Variants in SUPT16H observed in about 807,000 individuals in gnomAD.
SUPT16H encodes the protein FACT complex subunit SPT16.
SUPT16H carries 24 observed loss-of-function variants against 136.2 expected under a neutral mutation model. The observed-to-expected ratio is 0.18, with a 90% CI of 0.13 to 0.25. The LOEUF is 0.25. SUPT16H is among the 10% of genes least tolerant of loss of function. SUPT16H has a pLI of 1.00. For missense variants in SUPT16H, 623 were observed against 1,270.2 expected, an observed-to-expected ratio of 0.49 and a Z score of 7.74; for synonymous variants, 415 against 428.2, an observed-to-expected ratio of 0.97 and a Z score of 0.38.
intron 1 of SUPT16H, chr14:21,383,409 C>G: frequency 2.0e-6 from 1 of 500,504 alleles, no homozygotes; most frequent in Non-Finnish European, 3.5e-6. Context: ...ACGCTAAAAG[C>G]CCGATTGACA....
chr14:21,359,377 C>T (rs1423459039), intron 19 of SUPT16H, 107 bp downstream of exon 19: 16 of 1,480,164 alleles, frequency 1.1e-5, no homozygotes, highest in East Asian at 2.3e-5. Context: ...ATTACAGGCG[C>T]GAGTCACCAC....
intron 6 of SUPT16H, among the ~76,000 whole-genome samples, chr14:21,368,642 A>G (rs536130453): frequency 4.1e-4 from 62 of 152,356 alleles, no homozygotes; most frequent in African/African-American, 1.5e-3. Context: ...GTCAGTGACC[A>G]AAACTTTTAG....
At chr14:21,379,087 C>T (rs1278000466) in intron 1 of SUPT16H, among the ~76,000 whole-genome samples, 1 of 152,138 alleles carries the variant, frequency 6.6e-6, no homozygotes, top group Non-Finnish European at 1.5e-5. Flanking sequence ...CACTGAGTGA[C>T]TTCTATATGC....
rs191806991 is a variant in SUPT16H at position 21,359,120 on chromosome 14, T to C, written c.2301+364A>G. ...GCACCTGGCTATTTATTTATTGAGA[T>C]GGAGTCTCACTCTGTCGCCCAGGCT... On this transcript the variant is annotated intron_variant, in intron 19 of 25. Coordinates refer to ENST00000216297, the MANE Select transcript of SUPT16H (RefSeq NM_007192.4). Among the ~76,000 whole-genome samples, 6 of 139,824 alleles carry C rather than the reference T, an allele frequency of 4.3e-5. No homozygotes were observed. The East Asian group carries it at 1.3e-3, about 30-fold the overall frequency. 91.7% of individuals were successfully genotyped at this position (139,824 alleles called of 152,430 possible).
chr14:21,381,308 A>G (rs556978780), intron 1 of SUPT16H, among the ~76,000 whole-genome samples: 12 of 152,236 alleles, frequency 7.9e-5, no homozygotes, highest in East Asian at 1.9e-4. Flanking sequence ...TTTATTTGCA[A>G]TAGCCTCAAA....
In SUPT16H at chr14:21,354,528, C is replaced by G; in HGVS notation, c.2673G>C (p.Leu891=). The G allele has an allele frequency of 1.2e-6, 2 of 1,613,794 alleles. No homozygotes were observed. The highest frequency in any genetic ancestry group is 1.3e-5 in the African/African-American group (1 of 75,046). Reference sequence around the variant, plus strand: ...GGGACTGTACTCCTTCTGTGTATTTCAGGTCGCAGGAACTAAGAGAAATGA... The same window carrying G: ...GGGACTGTACTCCTTCTGTGTATTTGAGGTCGCAGGAACTAAGAGAAATGA... ...PIKEWLNSCD[L]KYTEGVQSLN... The change falls in exon 23 of 26, where the codon CTG becomes CTC. Residue 891 remains leucine, a synonymous_variant. Transcript: ENST00000216297.
At chr14:21,362,042 T>C (rs1886567782) in intron 15 of SUPT16H, among the ~76,000 whole-genome samples, 155 bp downstream of exon 15, 1 of 152,138 alleles carries the variant, frequency 6.6e-6, no homozygotes, top group Admixed American at 6.6e-5. Context: ...ATCCTGAAAA[T>C]AGTACAAAGT....
intron 22 of SUPT16H, among the ~76,000 whole-genome samples, chr14:21,356,369 C>T (rs1389224105): frequency 6.6e-6 from 1 of 152,188 alleles, no homozygotes; most frequent in East Asian, 1.9e-4. Context: ...CACCTTTCCA[C>T]CAGCTTCAGC....
intron 7 of SUPT16H, 130 bp downstream of exon 7, chr14:21,368,139 G>T (rs555190473): frequency 1.7e-5 from 16 of 921,188 alleles, no homozygotes; most frequent in Non-Finnish European, 2.6e-5. Flanking sequence ...GGCTGGTCTT[G>T]AACTCCTGGA....
intron 15 of SUPT16H, among the ~76,000 whole-genome samples, chr14:21,361,779 T>A (rs192753365): frequency 9.9e-5 from 15 of 152,258 alleles, no homozygotes; most frequent in Non-Finnish European, 2.1e-4. Flanking sequence ...AATTATTTTT[T>A]TTTTGAGACA....
At chr14:21,363,826 G>A (rs140943498) in intron 10 of SUPT16H, among the ~76,000 whole-genome samples, 62 of 152,036 alleles carry the variant, frequency 4.1e-4, no homozygotes, top group African/African-American at 1.4e-3. Flanking sequence ...TTACAGACGC[G>A]CACCACCACA....
chr14:21,352,938 G>A (rs913004439), intron 25 of SUPT16H, 120 bp from the exon 26 acceptor site: 1 of 1,319,804 alleles, frequency 7.6e-7, no homozygotes. Context: ...TTAATATTGG[G>A]CAAGTACTTT....
At chr14:21,377,326 G>T (rs1483276676) in intron 1 of SUPT16H, among the ~76,000 whole-genome samples, 2 of 152,148 alleles carry the variant, frequency 1.3e-5, no homozygotes, top group African/African-American at 4.8e-5. Flanking sequence ...ATTTCAGAGA[G>T]AACAGGCTAT....
intron 12 of SUPT16H, 35 bp from the exon 13 acceptor site, chr14:21,363,184 T>C: frequency 6.2e-7 from 1 of 1,614,048 alleles, no homozygotes; most frequent in Non-Finnish European, 8.5e-7. Flanking sequence ...TCACAACACG[T>C]GAGCCATATG....
At chr14:21,378,687 G>A (rs1886956859) in intron 1 of SUPT16H, among the ~76,000 whole-genome samples, 1 of 152,096 alleles carries the variant, frequency 6.6e-6, no homozygotes. Flanking sequence ...TTTACCATAA[G>A]TTAATAACCG....
At chr14:21,373,460 T>G (rs762827370) in intron 1 of SUPT16H, 30 bp from the exon 2 acceptor site, 2 of 1,490,336 alleles carry the variant, frequency 1.3e-6, no homozygotes, top group Middle Eastern at 1.7e-4. Flanking sequence ...ATCACTTAAT[T>G]TTTCACACTA....
chr14:21,364,486 A>C (rs565459972), intron 10 of SUPT16H, among the ~76,000 whole-genome samples: 1 of 152,358 alleles, frequency 6.6e-6, no homozygotes, highest in South Asian at 2.1e-4. Flanking sequence ...AAAAATCACT[A>C]AATTGTACAT....
chr14:21,365,134 C>T lies in SUPT16H; in HGVS notation c.1056G>A (p.Met352Ile). ...GGGAGCCTTCACGGAATTCAATTCC[C>T]ATCCCAAACCTGAAAAGAAACAGAT... ...NKITKNLGFG[M>I]GIEFREGSLV... The change falls in exon 9 of 26, where the codon ATG becomes ATA. Residue 352 changes from methionine to isoleucine, a missense_variant. Coordinates refer to ENST00000216297, the MANE Select transcript of SUPT16H (RefSeq NM_007192.4). 6.2e-7 allele frequency: 1 copy of T among 1,613,572 alleles called. No individual in the cohort carries two copies. The highest frequency in any genetic ancestry group is 1.3e-5 in the African/African-American group (1 of 75,016).
In SUPT16H at chr14:21,352,002, C is replaced by T. The variant is rs1332463124; in HGVS notation, c.*671G>A. On this transcript the variant is annotated 3_prime_UTR_variant, in exon 26 of 26. Transcript: ENST00000216297. ...GGCAATTTTGCCTTCTATCATTGTA[C>T]CATGTGTGCATTGTATGGAGAAAAT... 1 of 152,602 alleles carries T rather than the reference C, an allele frequency of 6.6e-6. No homozygotes were observed. The highest frequency in any genetic ancestry group is 1.5e-5 in the Non-Finnish European group (1 of 68,348). 9.5% of individuals were successfully genotyped at this position (152,602 alleles called of 1,614,324 possible).
Sources: allele counts gnomAD v4.1 joint callset (sites outside exome capture counted in the v4.1 genomes callset), GRCh38; gene constraint gnomAD v4.1.1; transcripts MANE v1.5; gene names NCBI Gene and HGNC (gene_info 2026-07-23, HGNC 2026-07-21).